The following VWA2 variants were observed in gnomAD, a reference collection of about 807,000 sequenced individuals.
VWA2 encodes von Willebrand factor A domain-containing protein 2.
In VWA2, 73 loss-of-function variants were observed where a neutral mutation model predicts 70.4. That is an observed-to-expected ratio of 1.04 (90% CI 0.86 to 1.26). VWA2 has a LOEUF of 1.26. Among genes scored for constraint, VWA2 ranks in the 50% most tolerant of loss-of-function variants. VWA2 has a pLI of 0.00. For synonymous variants in VWA2, 407 were observed against 423.3 expected, an observed-to-expected ratio of 0.96 and a Z score of 0.47; for missense variants, 1,011 against 998.5, an observed-to-expected ratio of 1.01 and a Z score of -0.17.
At chr10:114,242,116 T>C (rs1230388506) in intron 1 of VWA2, among the ~76,000 whole-genome samples, 1 of 152,108 alleles carries the variant, frequency 6.6e-6, no homozygotes, top group Non-Finnish European at 1.5e-5. Flanking sequence ...TTTCCTTGAA[T>C]GTGATTACTA....
rs1431635184 is a variant in VWA2, at chr10:114,286,252, C to T, written c.1311C>T (p.Ala437=). 6.2e-7 allele frequency: 1 copy of T among 1,612,882 alleles called. No individual in the cohort carries two copies. The highest frequency in any genetic ancestry group is 1.7e-5 in the Admixed American group (1 of 59,902). ...CGGCAGAGCGTGGCTTCGGGAGCGC[C>T]ACCAGGACAGGCCAGGACCGGCCAC... ...RQAAERGFGS[A]TRTGQDRPRR... is the part of the protein sequence containing the mutation. The change falls in exon 11 of 14, where the codon GCC becomes GCT. Residue 437 remains alanine (A), a synonymous_variant. Coordinates refer to ENST00000392982, the MANE Select transcript of VWA2 (RefSeq NM_001272046.2).
At chr10:114,254,790 T>A (rs917785065) in intron 3 of VWA2, 125 bp from the exon 4 acceptor site, 34 of 1,301,468 alleles carry the variant, frequency 2.6e-5, no homozygotes, top group Non-Finnish European at 3.4e-5. Context: ...CTTCTGCAGT[T>A]CTCCCCTTTC....
chr10:114,286,456 T>C lies in VWA2; in HGVS notation c.1515T>C (p.Asp505=). 1 of 1,609,700 alleles carries C rather than the reference T, an allele frequency of 6.2e-7. No individual in the cohort carries two copies. Residue 505 remains aspartate, a synonymous_variant, in exon 11 of 14, where the codon GAT becomes GAC. Transcript: ENST00000392982. ...KHVMVYSDPQ[D]LFNQIPELQG... is the part of the protein sequence containing the mutation. The stretch of plus-strand genomic sequence containing the variant: ...TGATGGTCTACTCGGATCCTCAGGA[T>C]CTGTTCAACCAAATCCCTGAGCTGC...
At chr10:114,284,781 C>T (rs886858671) in intron 9 of VWA2, 82 bp from the exon 10 acceptor site, 6 of 1,368,218 alleles carry the variant, frequency 4.4e-6, no homozygotes, top group Non-Finnish European at 5.9e-6. Flanking sequence ...AGCAGGAAGC[C>T]AGCTGCACCC....
In VWA2 at chr10:114,248,694, G is replaced by A. The variant is rs2037129378; in HGVS notation, c.-10-10G>A. 6.2e-7 allele frequency: 1 copy of A among 1,610,900 alleles called. No individual in the cohort carries two copies. Among genetic ancestry groups the A allele is most frequent in the Non-Finnish European group, 8.5e-7 (1 of 1,177,304 alleles). ...GCTGATACTTTCTTTCTTTTCCTGT[G>A]TCCCTGTAGTTATATCAACATGCCC... is the stretch of plus-strand genomic sequence containing the variant. On this transcript the variant is annotated splice_polypyrimidine_tract_variant and intron_variant, in intron 1 of 13. Coordinates refer to ENST00000392982, the MANE Select transcript of VWA2 (RefSeq NM_001272046.2).
intron 5 of VWA2, among the ~76,000 whole-genome samples, chr10:114,265,220 G>T (rs910639750): frequency 2.6e-5 from 4 of 152,048 alleles, no homozygotes; most frequent in African/African-American, 9.7e-5. Flanking sequence ...TCACTGAATT[G>T]TACACTTTAA....
chr10:114,286,318 T>C lies in VWA2; in HGVS notation c.1377T>C (p.Asp459=). ...TGCTCACTGAGTCACACTCCGAGGATGAGGTTGCGGGCCCAGCGCGTCACG... is the reference window on the plus strand; with the variant it reads ...TGCTCACTGAGTCACACTCCGAGGACGAGGTTGCGGGCCCAGCGCGTCACG... ...VVLLTESHSE[D]EVAGPARHAR... The change falls in exon 11 of 14, where the codon GAT becomes GAC. Residue 459 remains aspartate, a synonymous_variant. Coordinates refer to ENST00000392982, the MANE Select transcript of VWA2 (RefSeq NM_001272046.2). 6.2e-7 allele frequency: 1 copy of C among 1,612,286 alleles called. No homozygotes were observed. Among genetic ancestry groups the C allele is most frequent in the Non-Finnish European group, 8.5e-7 (1 of 1,178,932 alleles).
At chr10:114,273,177 T>C (rs1283048230) in intron 6 of VWA2, among the ~76,000 whole-genome samples, 1 of 152,182 alleles carries the variant, frequency 6.6e-6, no homozygotes. Context: ...TCTGCTGAAA[T>C]TTATTTGGGC....
At chr10:114,287,139 C>T (rs1237338107) in intron 11 of VWA2, among the ~76,000 whole-genome samples, 7 of 152,208 alleles carry the variant, frequency 4.6e-5, no homozygotes, top group Admixed American at 6.5e-5. Flanking sequence ...ACTGTCCCCA[C>T]GCAGAGGCCT....
chr10:114,284,131 A>C (rs2038550938), intron 9 of VWA2, among the ~76,000 whole-genome samples: 1 of 152,258 alleles, frequency 6.6e-6, no homozygotes, highest in Non-Finnish European at 1.5e-5. Context: ...AGGGAATCAT[A>C]GATCAGACGC....
At chr10:114,246,811 C>T (rs2037082596) in intron 1 of VWA2, 3 of 978,900 alleles carry the variant, frequency 3.1e-6, no homozygotes, top group African/African-American at 3.2e-5. Context: ...GACTGCTGCC[C>T]TCAATCTAGA....
intron 11 of VWA2, among the ~76,000 whole-genome samples, chr10:114,287,718 A>G (rs956792986): frequency 6.6e-6 from 1 of 152,192 alleles, no homozygotes; most frequent in Non-Finnish European, 1.5e-5. Flanking sequence ...TTGTAGATTT[A>G]TAGGAAAAAA....
chr10:114,263,557 T>G (rs1020278334), intron 5 of VWA2, among the ~76,000 whole-genome samples: 1 of 150,770 alleles, frequency 6.6e-6, no homozygotes, highest in African/African-American at 2.4e-5. Context: ...CAGGATGGTC[T>G]TGATCTCCTG....
At chr10:114,259,954 C>T (rs568168763) in intron 4 of VWA2, among the ~76,000 whole-genome samples, 33 of 152,294 alleles carry the variant, frequency 2.2e-4, no homozygotes, top group African/African-American at 7.7e-4. Context: ...AGATGCAGCC[C>T]GCCTGGTGTG....
At chr10:114,266,920 T>C (rs768475597) in intron 5 of VWA2, among the ~76,000 whole-genome samples, 7 of 152,242 alleles carry the variant, frequency 4.6e-5, no homozygotes, top group Non-Finnish European at 1.0e-4. Context: ...TAATATTATT[T>C]GGTATGTGCT....
chr10:114,280,291 C>T (rs1343181322), intron 8 of VWA2, among the ~76,000 whole-genome samples: 1 of 152,210 alleles, frequency 6.6e-6, no homozygotes, highest in Non-Finnish European at 1.5e-5. Context: ...AAATCAGCAC[C>T]AGCATCTCAG....
At chr10:114,278,662 CAGG>C in intron 7 of VWA2, 54 bp from the exon 8 acceptor site, 1 of 1,601,040 alleles carries the variant, frequency 6.2e-7, no homozygotes, top group Non-Finnish European at 8.5e-7. Context: ...GCGTGTGTGG[CAGG>C]AGGAGGTGGA....
intron 9 of VWA2, among the ~76,000 whole-genome samples, chr10:114,283,752 G>A (rs557951285): frequency 1.3e-5 from 2 of 152,364 alleles, no homozygotes; most frequent in African/African-American, 4.8e-5. Flanking sequence ...CATAATAGAT[G>A]CTCAGTTAAA....
At chr10:114,268,833 G>T (rs646294) in intron 5 of VWA2, among the ~76,000 whole-genome samples, 27,134 of 151,742 alleles carry the variant, frequency 0.18, 2,642 homozygotes, top group Admixed American at 0.25. Context: ...TAGCTGGGAC[G>T]ACAGGCACCC....
Sources: gnomAD v4.1 joint callset for allele counts (sites outside exome capture counted in the v4.1 genomes callset) on GRCh38, gnomAD v4.1.1 for gene constraint, MANE v1.5 for transcripts, NCBI Gene and HGNC (gene_info 2026-07-23, HGNC 2026-07-21) for gene names.